The following PCDH15 variants were observed in gnomAD, a reference collection of about 807,000 sequenced individuals.
The protein encoded by PCDH15 is protocadherin related 15, also known as protocadherin-15.
PCDH15 carries 129 observed loss-of-function variants against 178.5 expected under a neutral mutation model. That is an observed-to-expected ratio of 0.72 (90% CI 0.63 to 0.84). The LOEUF (loss-of-function observed/expected upper bound fraction) is 0.84. PCDH15 is among the 40% of genes least tolerant of loss of function. The probability of loss-of-function intolerance (pLI) is 0.00; values close to 1 mark genes in which losing one functional copy is unlikely to be tolerated. For synonymous variants in PCDH15, 800 were observed against 732.0 expected, an observed-to-expected ratio of 1.09 and a Z score of -1.50; for missense variants, 2,230 against 2,099.9, an observed-to-expected ratio of 1.06 and a Z score of -1.21.
chr10:55,143,072 C>T (rs146718919), intron 2 of PCDH15, among the ~76,000 whole-genome samples: 54 of 152,130 alleles, frequency 3.5e-4, no homozygotes, highest in African/African-American at 1.2e-3. Flanking sequence ...TGGCACTTCC[C>T]CTGCTCGCGC....
At chr10:54,668,608 TTC>T (rs1447693716) in intron 1 of PCDH15, among the ~76,000 whole-genome samples, 1 of 152,198 alleles carries the variant, frequency 6.6e-6, no homozygotes, top group Non-Finnish European at 1.5e-5. Context: ...TCTGTCCTTT[TTC>T]TGTTTATCCC....
chr10:55,214,977 G>T lies in PCDH15; in HGVS notation c.-155-48326C>A, dbSNP rs527524781. On this transcript the variant is annotated intron_variant, in intron 1 of 5. Transcript: ENST00000458638. ...ATTTGAGAGAGAACTCTTCTACGAG[G>T]TATTACATATTTATTCACTTTAATG... Among the ~76,000 whole-genome samples, 7 of 152,136 alleles carry T rather than the reference G, an allele frequency of 4.6e-5. No individual in the cohort carries two copies. The South Asian group carries it at 1.2e-3, about 27-fold the overall frequency.
At chr10:55,033,322 A>C (rs1922161) in intron 2 of PCDH15, among the ~76,000 whole-genome samples, 70,635 of 151,892 alleles carry the variant, frequency 0.47, 18,101 homozygotes, top group East Asian at 0.75. Flanking sequence ...ACTGAACTCC[A>C]ACCCATGAGA....
Position 54,821,521 on chromosome 10 carries a change from A to T in PCDH15, c.-29+75929T>A, listed in dbSNP as rs550176146. ...TTAAAAGTTGGCACATACCAAGAAA[A>T]TCACAATATATAGAAAAAATATTTT... is the stretch of plus-strand genomic sequence containing the variant. On this transcript the variant is annotated intron_variant, in intron 3 of 5. Transcript: ENST00000458638. 2.0e-5 allele frequency among the ~76,000 whole-genome samples: 3 copies of T among 152,256 alleles called. No individual in the cohort carries two copies. In the South Asian group the frequency reaches 6.2e-4, roughly 32 times the overall value.
chr10:54,941,583 T>C (rs1189549779), intron 2 of PCDH15, among the ~76,000 whole-genome samples: 1 of 152,164 alleles, frequency 6.6e-6, no homozygotes. Context: ...ACCCAGCATC[T>C]GCCTGTTTTT....
At chr10:54,246,882 T>C (rs1400304899) in intron 8 of PCDH15, among the ~76,000 whole-genome samples, 2 of 151,942 alleles carry the variant, frequency 1.3e-5, no homozygotes, top group Non-Finnish European at 2.9e-5. Flanking sequence ...TTATAGTTGC[T>C]TTAACTTGAA....
At chr10:54,160,042 AC>A (rs1378787861) in intron 13 of PCDH15, among the ~76,000 whole-genome samples, 2 of 152,144 alleles carry the variant, frequency 1.3e-5, no homozygotes, top group African/African-American at 4.8e-5. Context: ...CAGAATCACT[AC>A]TCCTGTGCTT....
At chr10:54,482,136 A>C (rs1304273208) in intron 3 of PCDH15, among the ~76,000 whole-genome samples, 1 of 151,920 alleles carries the variant, frequency 6.6e-6, no homozygotes, top group East Asian at 1.9e-4. Context: ...TTTGAGTTAA[A>C]AAAAGATAAC....
At chr10:54,296,988 C>T (rs2059837124) in intron 8 of PCDH15, among the ~76,000 whole-genome samples, 1 of 151,998 alleles carries the variant, frequency 6.6e-6, no homozygotes, top group Non-Finnish European at 1.5e-5. Context: ...CTCATTCCTC[C>T]TTGTGGTCTA....
At chr10:55,455,775 T>C (rs1351074161) in intron 2 of PCDH15, among the ~76,000 whole-genome samples, 1 of 152,080 alleles carries the variant, frequency 6.6e-6, no homozygotes, top group Admixed American at 6.6e-5. Context: ...ATTAATCTAT[T>C]GATATGTTTA....
chr10:55,332,589 G>A (rs752210274), intron 2 of PCDH15, among the ~76,000 whole-genome samples: 3 of 152,116 alleles, frequency 2.0e-5, no homozygotes, highest in Non-Finnish European at 2.9e-5. Flanking sequence ...ACATGGTTTG[G>A]CTGTGTCCCC....
intron 1 of PCDH15, among the ~76,000 whole-genome samples, chr10:54,787,569 G>T (rs968212140): frequency 6.6e-6 from 1 of 151,902 alleles, no homozygotes; most frequent in African/African-American, 2.4e-5. Context: ...TTATCTAAAA[G>T]TGACTCTTCT....
At chr10:53,858,150 C>A (rs148044686) in intron 27 of PCDH15, among the ~76,000 whole-genome samples, 18 of 152,124 alleles carry the variant, frequency 1.2e-4, no homozygotes, top group Admixed American at 2.0e-4. Context: ...TTATCATGCA[C>A]ATACATTTAT....
At chr10:54,596,390 T>C (rs2134004996) in intron 2 of PCDH15, among the ~76,000 whole-genome samples, 1 of 152,248 alleles carries the variant, frequency 6.6e-6, no homozygotes, top group Middle Eastern at 3.4e-3. Context: ...GGAAATATGA[T>C]CCTTTTCAGA....
At chr10:54,287,954 G>C (rs550004575) in intron 8 of PCDH15, among the ~76,000 whole-genome samples, 1 of 152,192 alleles carries the variant, frequency 6.6e-6, no homozygotes, top group African/African-American at 2.4e-5. Context: ...TATCATTATA[G>C]GCACTTCACA....
intron 21 of PCDH15, among the ~76,000 whole-genome samples, chr10:53,987,951 T>A (rs568074948): frequency 6.6e-6 from 1 of 152,352 alleles, no homozygotes; most frequent in African/African-American, 2.4e-5. Context: ...GGTTTTTCTC[T>A]TATCTAATTA....
At chr10:53,875,818 C>T (rs2080188703) in intron 26 of PCDH15, among the ~76,000 whole-genome samples, 1 of 152,140 alleles carries the variant, frequency 6.6e-6, no homozygotes, top group Non-Finnish European at 1.5e-5. Flanking sequence ...CTCTATCATA[C>T]AGGGGAGTAG....
At chr10:55,120,974 C>T (rs186406003) in intron 2 of PCDH15, among the ~76,000 whole-genome samples, 1 of 152,238 alleles carries the variant, frequency 6.6e-6, no homozygotes, top group African/African-American at 2.4e-5. Flanking sequence ...CTGCCCTTTC[C>T]AATGTTTAAT....
chr10:54,167,853 C>CCCCTTATTTCTGCGCCCCAT (rs1282173048), intron 13 of PCDH15, among the ~76,000 whole-genome samples: 22 of 91,654 alleles, frequency 2.4e-4, no homozygotes, highest in Non-Finnish European at 4.7e-4. Context: ...CGTGCCCCGA[C>CCCCTTATTTCTGCGCCCCAT]CCCTTATTTC....
Sources: gnomAD v4.1 joint callset for allele counts (sites outside exome capture counted in the v4.1 genomes callset) on GRCh38, gnomAD v4.1.1 for gene constraint, MANE v1.5 for transcripts, NCBI Gene and HGNC (gene_info 2026-07-23, HGNC 2026-07-21) for gene names.